STK25: variants seen among roughly 807,000 people sequenced by gnomAD.
The protein encoded by STK25 is serine/threonine kinase 25, also known as serine/threonine-protein kinase 25.
A neutral mutation model predicts 53.8 loss-of-function variants in STK25; 29 were observed. The ratio of observed to expected loss-of-function variants is 0.54; its 90% confidence interval spans 0.40 to 0.74. STK25 has a LOEUF of 0.74. Ranked by LOEUF, STK25 falls within the 30% of genes least tolerant of loss-of-function variation. The pLI is 0.00. For synonymous variants in STK25, 247 were observed against 238.3 expected, an observed-to-expected ratio of 1.04 and a Z score of -0.33; for missense variants, 420 against 568.0, an observed-to-expected ratio of 0.74 and a Z score of 2.65.
Position 241,502,041 on chromosome 2 carries a change from G to A in STK25, c.31-333C>T, listed in dbSNP as rs1388472689. 4 of 269,908 alleles carry A rather than the reference G, an allele frequency of 1.5e-5. No homozygotes were observed. The Admixed American group carries it at 1.9e-4, about 13-fold the overall frequency. The allele number at this position is 269,908 out of a possible 1,614,324, so 16.7% of individuals were successfully genotyped here. A position where few individuals can be genotyped will look rare whatever the true frequency, so the allele number is the denominator to read the frequency against. ...TATCTGGGCGTGGCGGCTCATGCCT[G>A]TAATCCCAGCTACTCAGGAGGCTGA... On this transcript the variant is annotated intron_variant, in intron 2 of 11. Coordinates refer to ENST00000316586, the MANE Select transcript of STK25 (RefSeq NM_001271977.2).
At chr2:241,507,548 C>G (rs2065910864) in intron 2 of STK25, among the ~76,000 whole-genome samples, 1 of 152,252 alleles carries the variant, frequency 6.6e-6, no homozygotes, top group African/African-American at 2.4e-5. Context: ...TCTCCACAAT[C>G]TCAGCCCCTC....
chr2:241,505,742 C>G (rs2065783791), intron 2 of STK25, among the ~76,000 whole-genome samples: 1 of 152,212 alleles, frequency 6.6e-6, no homozygotes, highest in African/African-American at 2.4e-5. Context: ...TGACAGGAAC[C>G]CTCTTGGCTG....
intron 5 of STK25, 92 bp from the exon 6 acceptor site, chr2:241,499,506 C>T: frequency 5.4e-6 from 8 of 1,485,338 alleles, no homozygotes; most frequent in East Asian, 2.4e-5. Context: ...ATCCACCTGG[C>T]CTCCTAGGGC....
At chr2:241,497,383 AG>A (rs1295005923) in intron 10 of STK25, 2 of 534,414 alleles carry the variant, frequency 3.7e-6, no homozygotes, top group African/African-American at 3.8e-5. Flanking sequence ...TTGCACCTGA[AG>A]AAAAAAAAGT....
rs544808213 is a variant in STK25 at position 241,494,698 on chromosome 2, A to G, written c.*964T>C. 6.6e-6 allele frequency: 1 copy of G among 152,348 alleles called. No homozygotes were observed. The highest frequency in any genetic ancestry group is 1.5e-5 in the Non-Finnish European group (1 of 68,034). The allele number at this position is 152,348 out of a possible 1,614,324, so 9.4% of individuals were successfully genotyped here. On this transcript the variant is annotated 3_prime_UTR_variant, in exon 12 of 12. Transcript: ENST00000316586. The surrounding 1 kb of genome is among the most constrained non-coding windows in gnomAD (Gnocchi z 4.9). The stretch of plus-strand genomic sequence containing the variant: ...CTTGTTCCCCATGTACCTCTAGAGA[A>G]GCAGAAACCAAAGTCCCCCTGTGCC...
In STK25 at chr2:241,494,124, GA is replaced by G; in HGVS notation, c.*1537del. 6.8e-7 allele frequency: 1 copy of G among 1,474,282 alleles called. No individual in the cohort carries two copies. 91.3% of individuals were successfully genotyped at this position (1,474,282 alleles called of 1,614,324 possible). A position where few individuals can be genotyped will look rare whatever the true frequency, so the allele number is the denominator to read the frequency against. ...GGGATGGTCAGGGGGAAGGAGGAATGACGCTCAACCTGCCCAGGTTTGGACA... is the reference window on the plus strand; with the variant it reads ...GGGATGGTCAGGGGGAAGGAGGAATGCGCTCAACCTGCCCAGGTTTGGACA... On this transcript the variant is annotated 3_prime_UTR_variant, in exon 12 of 12. Coordinates refer to ENST00000316586, the MANE Select transcript of STK25 (RefSeq NM_001271977.2). This position sits in a 1 kb window ranked among gnomAD's most constrained non-coding sequence, Gnocchi z 4.9.
Position 241,495,605 on chromosome 2 carries a change from T to C in STK25, c.*57A>G, listed in dbSNP as rs1010291557. The C allele has an allele frequency of 1.4e-5, 22 of 1,591,414 alleles. No homozygotes were observed. The highest frequency in any genetic ancestry group is 1.7e-4 in the Middle Eastern group (1 of 6,042). On this transcript the variant is annotated 3_prime_UTR_variant, in exon 12 of 12. Transcript: ENST00000316586. ...ACCTTCCAAGTCAGCACAGTTCTTA[T>C]GGAGCTCAGAACAAAAACAAACGAC...
rs11320829 is a variant in STK25 at position 241,493,597 on chromosome 2, GTTT to G, written c.*2062_*2064del. ...CATTTCCAAAAAACAGCAATGCTTT[GTTT>G]TTTTTTTTTTTGGAGATGGCGTCTC... is the stretch of plus-strand genomic sequence containing the variant. On this transcript the variant is annotated 3_prime_UTR_variant, in exon 12 of 12. Transcript: ENST00000316586. 1.5e-4 allele frequency: 86 copies of G among 559,394 alleles called. No homozygotes were observed. Among genetic ancestry groups the G allele is most frequent in the Non-Finnish European group, 1.8e-4 (56 of 319,702 alleles). 34.7% of individuals were successfully genotyped at this position (559,394 alleles called of 1,614,324 possible). A position where few individuals can be genotyped will look rare whatever the true frequency, so the allele number is the denominator to read the frequency against.
chr2:241,495,487 C>A lies in STK25; in HGVS notation c.*175G>T. 1.5e-6 allele frequency: 1 copy of A among 660,166 alleles called. No homozygotes were observed. Among genetic ancestry groups the A allele is most frequent in the Admixed American group, 2.4e-5 (1 of 42,434 alleles). 40.9% of individuals were successfully genotyped at this position (660,166 alleles called of 1,614,324 possible). On this transcript the variant is annotated 3_prime_UTR_variant, in exon 12 of 12. Transcript: ENST00000316586. ...CGTCCCTGACGTGCACAACAGCACA[C>A]TGCAGGGGTGGAAGGAGACGGTGAC...
chr2:241,498,608 G>C, intron 8 of STK25, 31 bp downstream of exon 8: 2 of 1,599,050 alleles, frequency 1.3e-6, no homozygotes, highest in African/African-American at 1.3e-5. Flanking sequence ...ACAGCACCTA[G>C]GGTCACCATG....
In STK25 at chr2:241,495,518, G is replaced by A; in HGVS notation, c.*144C>T. On this transcript the variant is annotated 3_prime_UTR_variant, in exon 12 of 12. Coordinates refer to ENST00000316586, the MANE Select transcript of STK25 (RefSeq NM_001271977.2). ...GGGTGGAAGGAGACGGTGACCTGGTGACCTGGCATGTGAGGCCCACGGGAT... is the reference window on the plus strand; with the variant it reads ...GGGTGGAAGGAGACGGTGACCTGGTAACCTGGCATGTGAGGCCCACGGGAT... The A allele has an allele frequency of 1.3e-6, 1 of 793,220 alleles. No homozygotes were observed. Among genetic ancestry groups the A allele is most frequent in the Middle Eastern group, 2.4e-4 (1 of 4,246 alleles). 49.1% of individuals were successfully genotyped at this position (793,220 alleles called of 1,614,324 possible).
intron 2 of STK25, among the ~76,000 whole-genome samples, chr2:241,503,439 G>A (rs533807449): frequency 2.0e-4 from 30 of 151,628 alleles, no homozygotes; most frequent in African/African-American, 6.8e-4. Flanking sequence ...CAGCCTGGGC[G>A]CGGTGGTTCA....
rs1574948202 is a variant in STK25 at position 241,500,276 on chromosome 2, T to G, written c.324A>C (p.Lys108Asn). The change falls in exon 5 of 12, where the codon AAA becomes AAC. Residue 108 changes from lysine to asparagine, a missense_variant. Coordinates refer to ENST00000316586, the MANE Select transcript of STK25 (RefSeq NM_001271977.2). ...TGTATGTCTCCTCCAGGGGACCTGGTTTAAGCTGGAGAGGAAGGTGCGACA... is the reference window on the plus strand; with the variant it reads ...TGTATGTCTCCTCCAGGGGACCTGGGTTAAGCTGGAGAGGAAGGTGCGACA... ...LGGGSALDLL[K>N]PGPLEETYIA... 12 of 1,612,900 alleles carry G rather than the reference T, an allele frequency of 7.4e-6. No individual in the cohort carries two copies. The highest frequency in any genetic ancestry group is 1.0e-5 in the Non-Finnish European group (12 of 1,179,116).
chr2:241,502,509 G>A (rs34751932), intron 2 of STK25, among the ~76,000 whole-genome samples: 18,897 of 152,012 alleles, frequency 0.12, 1,249 homozygotes, highest in South Asian at 0.17. Flanking sequence ...AGGCCAAGGC[G>A]GGTTGATCAC....
At chr2:241,502,857 C>A (rs995456264) in intron 2 of STK25, among the ~76,000 whole-genome samples, 6 of 152,160 alleles carry the variant, frequency 3.9e-5, no homozygotes, top group African/African-American at 1.4e-4. Context: ...TTCCCTCACC[C>A]CTCCATAAGT....
At chr2:241,499,888 C>T in intron 5 of STK25, 1 of 529,758 alleles carries the variant, frequency 1.9e-6, no homozygotes, top group South Asian at 1.8e-5. Flanking sequence ...CAATTCTACA[C>T]CTGCTGCTGT....
At chr2:241,508,608 G>A (rs868107818), upstream of STK25, 221 of 987,058 alleles carry the variant, frequency 2.2e-4, 1 homozygote, top group African/African-American at 3.5e-3. Flanking sequence ...CGAGGGCGGT[G>A]CTCGGCGTCG....
rs955238544 is a variant in STK25 at position 241,500,359 on chromosome 2, G to A, written c.319-78C>T. ...CCTGAGTTCTCTGCCTCTCTCACAG[G>A]GAAGGGCTGTCCCTGCAGATAGCTG... On this transcript the variant is annotated intron_variant, in intron 4 of 11. Coordinates refer to ENST00000316586, the MANE Select transcript of STK25 (RefSeq NM_001271977.2). 4.2e-5 allele frequency: 43 copies of A among 1,016,126 alleles called. No homozygotes were observed. The African/African-American group carries it at 6.7e-4, about 16-fold the overall frequency. 62.9% of individuals were successfully genotyped at this position (1,016,126 alleles called of 1,614,324 possible). A position where few individuals can be genotyped will look rare whatever the true frequency, so the allele number is the denominator to read the frequency against.
upstream of STK25, chr2:241,508,651 C>G (rs2066005618): frequency 1.0e-6 from 1 of 986,518 alleles, no homozygotes; most frequent in South Asian, 4.7e-5. Context: ...GACCCCGAGT[C>G]CCACCGCCCA....
Sources: allele counts gnomAD v4.1 joint callset (sites outside exome capture counted in the v4.1 genomes callset), GRCh38; gene constraint gnomAD v4.1.1; non-coding constraint Gnocchi (gnomAD v3.1); transcripts MANE v1.5; gene names NCBI Gene and HGNC (gene_info 2026-07-23, HGNC 2026-07-21).